USP8: variants seen among roughly 807,000 people sequenced by gnomAD.
The protein encoded by USP8 is ubiquitin carboxyl-terminal hydrolase 8.
USP8 carries 27 observed loss-of-function variants against 130.0 expected under a neutral mutation model. The observed-to-expected ratio is 0.21, with a 90% CI of 0.15 to 0.29. USP8 has a LOEUF of 0.29. USP8 is among the 10% of genes least tolerant of loss of function. The pLI is 1.00. For missense variants in USP8, 1,029 were observed against 1,312.2 expected (o/e 0.78, Z 3.33); for synonymous variants, 392 against 444.1 (o/e 0.88, Z 1.48).
chr15:50,438,654 A>G (rs2141253254), intron 1 of USP8, among the ~76,000 whole-genome samples: 1 of 152,298 alleles, frequency 6.6e-6, no homozygotes, highest in Non-Finnish European at 1.5e-5. Context: ...AAAGAGAAAT[A>G]TTTCTAGATA....
intron 8 of USP8, among the ~76,000 whole-genome samples, chr15:50,473,445 G>C (rs2051448912): frequency 6.6e-6 from 1 of 152,110 alleles, no homozygotes; most frequent in South Asian, 2.1e-4. Context: ...GCTCAGTACA[G>C]ACATAACCAT....
At chr15:50,446,121 A>G (rs962881164) in intron 3 of USP8, among the ~76,000 whole-genome samples, 2 of 152,192 alleles carry the variant, frequency 1.3e-5, no homozygotes, top group African/African-American at 4.8e-5. Flanking sequence ...TTAGGAAATC[A>G]TGAAAGTTGT....
intron 1 of USP8, among the ~76,000 whole-genome samples, chr15:50,429,605 G>A (rs2049864766): frequency 6.6e-6 from 1 of 152,092 alleles, no homozygotes; most frequent in Non-Finnish European, 1.5e-5. Context: ...GGAGACCTAG[G>A]CAGGAGGATC....
chr15:50,459,996 C>CCTTTTTT (rs567135111), intron 5 of USP8, among the ~76,000 whole-genome samples: 1 of 92,010 alleles, frequency 1.1e-5, no homozygotes. Flanking sequence ...CACCCCCCCC[C>CCTTTTTT]TTTTTTTTTT....
At position 50,496,019 on chromosome 15, in the gene USP8, A is replaced by G. The variant is rs1316069416; in HGVS notation, c.2830A>G (p.Arg944Gly). Residue 944 changes from arginine (R) to glycine (G), a missense_variant, in exon 17 of 20, where the codon AGG becomes GGG. By Grantham distance (125) the Arg-to-Gly change is moderately radical. Around this residue, in one of 4 missense-constraint regions of USP8, gnomAD observed 257 missense variants for 429.8 expected, o/e 0.60. Transcript: ENST00000307179. ...VQCLTCHKKSRTFEAFMYLSL... is the reference protein window; with the variant it reads ...VQCLTCHKKSGTFEAFMYLSL... ...GTGCCTCACATGTCACAAAAAGTCTAGGACATTTGAGGCCTTCATGTATTT... is the reference window on the plus strand; with the variant it reads ...GTGCCTCACATGTCACAAAAAGTCTGGGACATTTGAGGCCTTCATGTATTT... 3.7e-6 allele frequency: 6 copies of G among 1,614,100 alleles called. No individual in the cohort carries two copies. The highest frequency in any genetic ancestry group is 5.1e-6 in the Non-Finnish European group (6 of 1,180,032).
intron 2 of USP8, among the ~76,000 whole-genome samples, chr15:50,439,739 G>A (rs887918388): frequency 7.3e-5 from 11 of 150,978 alleles, no homozygotes; most frequent in Admixed American, 4.0e-4. Flanking sequence ...TCGGTGAGCC[G>A]AGATTGTGCG....
intron 10 of USP8, among the ~76,000 whole-genome samples, chr15:50,480,051 G>A (rs2051710149): frequency 6.6e-6 from 1 of 152,156 alleles, no homozygotes; most frequent in Admixed American, 6.5e-5. Flanking sequence ...GTGAGTCACT[G>A]CGCCTGGCAA....
intron 3 of USP8, among the ~76,000 whole-genome samples, chr15:50,448,521 ATTT>A (rs375945346): frequency 6.9e-6 from 1 of 144,026 alleles, no homozygotes; most frequent in African/African-American, 2.5e-5. Flanking sequence ...TAAAGGTGGA[ATTT>A]TTTTTTTTTT....
intron 3 of USP8, among the ~76,000 whole-genome samples, chr15:50,444,097 GT>G (rs751970462): frequency 0.12 from 14,382 of 117,442 alleles, 814 homozygotes; most frequent in East Asian, 0.33. Context: ...TGTGTGGTAG[GT>G]TTTTTTTTTT....
intron 4 of USP8, among the ~76,000 whole-genome samples, chr15:50,453,228 C>G (rs2050679454): frequency 6.6e-6 from 1 of 152,198 alleles, no homozygotes; most frequent in African/African-American, 2.4e-5. Context: ...AAAATTCTAT[C>G]TGAAGTTACT....
intron 3 of USP8, among the ~76,000 whole-genome samples, chr15:50,442,052 C>T (rs954114053): frequency 7.0e-6 from 1 of 143,778 alleles, no homozygotes; most frequent in Non-Finnish European, 1.5e-5. Context: ...TATCGGCTCA[C>T]TGCAACCTGT....
At chr15:50,444,543 T>C (rs1350527175) in intron 3 of USP8, 1 of 152,152 alleles carries the variant, frequency 6.6e-6, no homozygotes, top group African/African-American at 2.4e-5. Context: ...TGAGTACATT[T>C]AAACAGATGA....
chr15:50,489,957 G>A, intron 13 of USP8, 76 bp downstream of exon 13: 1 of 1,181,272 alleles, frequency 8.5e-7, no homozygotes. Context: ...TACATCTTCT[G>A]TAATGCAGAG....
rs186120572 is a variant in USP8 at position 50,491,258 on chromosome 15, T to G, written c.2234+733T>G. On this transcript the variant is annotated intron_variant, in intron 14 of 19. Coordinates refer to ENST00000307179, the MANE Select transcript of USP8 (RefSeq NM_005154.5). ...TTTTTTCCCATTTATTATACACTTG[T>G]ATTTGCTAAGGAATTTTAATTAGGC... is the stretch of plus-strand genomic sequence containing the variant. Among the ~76,000 whole-genome samples the G allele has an allele frequency of 5.3e-5, 8 of 152,330 alleles. No individual in the cohort carries two copies. The East Asian group carries it at 1.3e-3, about 26-fold the overall frequency.
chr15:50,449,309 A>G (rs2141265750), intron 3 of USP8, 91 bp from the exon 4 acceptor site: 1 of 723,782 alleles, frequency 1.4e-6, no homozygotes, highest in Non-Finnish European at 2.1e-6. Flanking sequence ...ACTTCCCTTT[A>G]TATAAGCACC....
Position 50,500,069 on chromosome 15 carries a change from A to G in USP8, c.*981A>G, listed in dbSNP as rs936054704. The stretch of plus-strand genomic sequence containing the variant: ...ACCGAGGGACTCAGTTGCTATATAT[A>G]TAGTCAGTAAAACACTCCATATAAA... On this transcript the variant is annotated 3_prime_UTR_variant, in exon 20 of 20. Transcript: ENST00000307179. 2.0e-5 allele frequency: 3 copies of G among 152,304 alleles called. No individual in the cohort carries two copies. Among genetic ancestry groups the G allele is most frequent in the African/African-American group, 2.4e-5 (1 of 41,578 alleles). 9.4% of individuals were successfully genotyped at this position (152,304 alleles called of 1,614,324 possible).
chr15:50,488,603 C>T (rs893944312), intron 12 of USP8, among the ~76,000 whole-genome samples: 2 of 144,566 alleles, frequency 1.4e-5, no homozygotes, highest in Non-Finnish European at 3.0e-5. Flanking sequence ...CTCGCTCTGC[C>T]ACCCAGGCGG....
chr15:50,496,201 C>G, intron 17 of USP8, 117 bp downstream of exon 17: 1 of 854,584 alleles, frequency 1.2e-6, no homozygotes, highest in Non-Finnish European at 1.8e-6. Flanking sequence ...TAAAACTCGG[C>G]CGGGCGCAGT....
intron 1 of USP8, among the ~76,000 whole-genome samples, chr15:50,432,817 A>G (rs1265146462): frequency 6.6e-6 from 1 of 152,174 alleles, no homozygotes; most frequent in African/African-American, 2.4e-5. Flanking sequence ...AATGGATTTT[A>G]AAAACACTGC....
Sources: gnomAD v4.1 joint callset for allele counts (sites outside exome capture counted in the v4.1 genomes callset) on GRCh38, gnomAD v4.1.1 for gene constraint, gnomAD v4.1.1 regional missense constraint, MANE v1.5 for transcripts, NCBI Gene and HGNC (gene_info 2026-07-23, HGNC 2026-07-21) for gene names.